The following DYNC2LI1 variants were observed in gnomAD, a reference collection of about 807,000 sequenced individuals.
The protein encoded by DYNC2LI1 is cytoplasmic dynein 2 light intermediate chain 1.
DYNC2LI1 carries 45 observed loss-of-function variants against 51.9 expected under a neutral mutation model. That is an observed-to-expected ratio of 0.87 (90% CI 0.68 to 1.11). DYNC2LI1 has a LOEUF of 1.11. Ranked by LOEUF, DYNC2LI1 falls within the 50% of genes most tolerant of loss-of-function variation. The pLI, the probability that DYNC2LI1 is intolerant of heterozygous loss-of-function variation, is 0.00. For missense variants in DYNC2LI1, 490 were observed against 417.4 expected, an observed-to-expected ratio of 1.17 and a Z score of -1.51; for synonymous variants, 130 against 137.8, an observed-to-expected ratio of 0.94 and a Z score of 0.40.
At chr2:43,777,494 A>G (rs1673076965) in intron 2 of DYNC2LI1, among the ~76,000 whole-genome samples, 1 of 152,340 alleles carries the variant, frequency 6.6e-6, no homozygotes, top group East Asian at 1.9e-4. Context: ...CTGGCCCACA[A>G]AGTTCCTGCC....
intron 2 of DYNC2LI1, among the ~76,000 whole-genome samples, chr2:43,778,299 T>C (rs1194521411): frequency 2.6e-5 from 4 of 152,076 alleles, no homozygotes; most frequent in Non-Finnish European, 5.9e-5. Context: ...ATTACAGGCA[T>C]GCGCCACCAC....
chr2:43,812,411 A>G (rs1170915295), downstream of DYNC2LI1: 1 of 151,728 alleles, frequency 6.6e-6, no homozygotes, highest in Non-Finnish European at 1.5e-5. Context: ...CTCAGCTGAA[A>G]GTGAAAAATA....
At chr2:43,783,303 A>G (rs940383282) in intron 2 of DYNC2LI1, among the ~76,000 whole-genome samples, 2 of 152,172 alleles carry the variant, frequency 1.3e-5, no homozygotes, top group African/African-American at 4.8e-5. Flanking sequence ...TATAATTATA[A>G]TAATAGCAGT....
At chr2:43,796,907 C>G in intron 8 of DYNC2LI1, 112 bp downstream of exon 8, 1 of 780,042 alleles carries the variant, frequency 1.3e-6, no homozygotes, top group Non-Finnish European at 2.1e-6. Flanking sequence ...GCACATGGTC[C>G]CGTTGCTTTC....
chr2:43,779,437 C>T (rs1046433811), intron 2 of DYNC2LI1, among the ~76,000 whole-genome samples: 5 of 152,204 alleles, frequency 3.3e-5, no homozygotes, highest in Non-Finnish European at 7.3e-5. Context: ...TTCATCCATT[C>T]GGTTGACATT....
downstream of DYNC2LI1, among the ~76,000 whole-genome samples, chr2:43,811,933 T>C (rs1666499704): frequency 6.6e-6 from 1 of 152,218 alleles, no homozygotes; most frequent in South Asian, 2.1e-4. Context: ...TATTTTATCC[T>C]TGAAAATATG....
At chr2:43,784,944 A>G (rs1182327837) in intron 3 of DYNC2LI1, among the ~76,000 whole-genome samples, 4 of 152,204 alleles carry the variant, frequency 2.6e-5, no homozygotes, top group Non-Finnish European at 4.4e-5. Context: ...AGAATATTCA[A>G]TAAACATAAT....
chr2:43,821,494 C>T, the DYNC2LI1 span, among the ~76,000 whole-genome samples: 4 of 152,210 alleles, frequency 2.6e-5, no homozygotes, highest in Non-Finnish European at 5.9e-5. Context: ...TCTCTGAGCA[C>T]AGCCTCCTGC....
chr2:43,823,201 C>T, the DYNC2LI1 span, among the ~76,000 whole-genome samples: 8 of 152,116 alleles, frequency 5.3e-5, no homozygotes, highest in South Asian at 4.1e-4. Context: ...CACCAATTCA[C>T]GAAAAGTACA....
At chr2:43,807,046 T>C (rs989497158) in intron 12 of DYNC2LI1, among the ~76,000 whole-genome samples, 7 of 152,208 alleles carry the variant, frequency 4.6e-5, no homozygotes, top group Non-Finnish European at 8.8e-5. Context: ...ACCCTAACAA[T>C]TACCAGTGTT....
At chr2:43,816,373 G>T in the DYNC2LI1 span, among the ~76,000 whole-genome samples, 1 of 152,166 alleles carries the variant, frequency 6.6e-6, no homozygotes, top group Non-Finnish European at 1.5e-5. Flanking sequence ...AACAAAAGGG[G>T]CCTTCAAAGA....
At chr2:43,803,563 T>C (rs1377614742) in intron 10 of DYNC2LI1, among the ~76,000 whole-genome samples, 1 of 151,476 alleles carries the variant, frequency 6.6e-6, no homozygotes, top group Non-Finnish European at 1.5e-5. Context: ...AAGGAGGAGG[T>C]TATGTCTATA....
the DYNC2LI1 span, chr2:43,823,783 A>G: frequency 9.5e-7 from 1 of 1,054,118 alleles, no homozygotes; most frequent in South Asian, 1.7e-5. Context: ...TTCCCCAGAG[A>G]GGGAACCTGG....
At position 43,795,907 on chromosome 2, in the gene DYNC2LI1, C is replaced by A. The variant is rs770744064; in HGVS notation, c.525C>A (p.Asp175Glu). 3 of 1,612,810 alleles carry A rather than the reference C, an allele frequency of 1.9e-6. No individual in the cohort carries two copies. The highest frequency in any genetic ancestry group is 2.2e-5 in the South Asian group (2 of 91,012). Residue 175 changes from aspartate (D) to glutamate (E), a missense_variant, in exon 7 of 13, where the codon GAC (aspartate) becomes GAA (glutamate). Physicochemically the swap from Asp to Glu is conservative, Grantham distance 45. Transcript: ENST00000260605. ...ATTAGCAGGATCATGAATTAATTGA[C>A]CCATTTCCGGTACCTCTGGTCATAA... ...PKDHPDHELI[D>E]PFPVPLVIIG...
intron 10 of DYNC2LI1, 29 bp downstream of exon 10, chr2:43,801,738 C>CT (rs900709111): frequency 6.5e-7 from 1 of 1,544,764 alleles, no homozygotes. Context: ...ATTGTTCAAT[C>CT]TTTTTTTAAT....
chr2:43,809,858 A>C lies in DYNC2LI1; in HGVS notation c.*91A>C, dbSNP rs1470231277. The stretch of plus-strand genomic sequence containing the variant: ...TAACTATTGTGGCAATATGTGAAGA[A>C]AGTTAAACTGTATAATTTGTTAAAG... On this transcript the variant is annotated 3_prime_UTR_variant, in exon 13 of 13. Transcript: ENST00000260605. 1.3e-6 allele frequency: 2 copies of C among 1,488,176 alleles called. No individual in the cohort carries two copies. Among genetic ancestry groups the C allele is most frequent in the Non-Finnish European group, 1.8e-6 (2 of 1,121,742 alleles). The allele number at this position is 1,488,176 out of a possible 1,614,324, so 92.2% of individuals were successfully genotyped here. A position where few individuals can be genotyped will look rare whatever the true frequency, so the allele number is the denominator to read the frequency against.
intron 6 of DYNC2LI1, chr2:43,795,116 T>A: frequency 2.0e-6 from 2 of 996,898 alleles, no homozygotes; most frequent in Non-Finnish European, 2.4e-6. Flanking sequence ...AATTAAATTA[T>A]AAAGTTGCTA....
At chr2:43,793,629 T>TG (rs1209736825) in intron 5 of DYNC2LI1, 2 of 151,572 alleles carry the variant, frequency 1.3e-5, no homozygotes, top group Non-Finnish European at 2.9e-5. Flanking sequence ...ATAGTTGAGT[T>TG]GGGGTCTCAC....
chr2:43,822,644 T>C, the DYNC2LI1 span: 1 of 982,638 alleles, frequency 1.0e-6, no homozygotes, highest in Non-Finnish European at 1.2e-6. Flanking sequence ...AAAATTAATG[T>C]CCTGGAAGAT....
Sources: allele counts gnomAD v4.1 joint callset (sites outside exome capture counted in the v4.1 genomes callset), GRCh38; gene constraint gnomAD v4.1.1; transcripts MANE v1.5; gene names NCBI Gene and HGNC (gene_info 2026-07-23, HGNC 2026-07-21).